PLCXD3: variants seen among roughly 807,000 people sequenced by gnomAD.
The protein encoded by PLCXD3 is PI-PLC X domain-containing protein 3.
Under a neutral mutation model 25.5 loss-of-function variants are expected in PLCXD3, and 19 were observed. That is an observed-to-expected ratio of 0.75 (90% CI 0.52 to 1.09). The LOEUF (loss-of-function observed/expected upper bound fraction) is 1.09. Among genes scored for constraint, PLCXD3 ranks in the 50% least tolerant of loss-of-function variants. The pLI is 0.00. For synonymous variants in PLCXD3, 174 were observed against 137.6 expected (o/e 1.26, Z -1.85); for missense variants, 411 against 388.1 (o/e 1.06, Z -0.50).
intron 1 of PLCXD3, among the ~76,000 whole-genome samples, chr5:41,436,777 C>A (rs960742514): frequency 6.6e-6 from 1 of 152,080 alleles, no homozygotes; most frequent in Admixed American, 6.6e-5. Context: ...AAGATATAAA[C>A]CTACTTCAGA....
intron 2 of PLCXD3, among the ~76,000 whole-genome samples, chr5:41,332,534 G>A (rs1561235149): frequency 6.6e-6 from 1 of 152,140 alleles, no homozygotes; most frequent in Admixed American, 6.5e-5. Flanking sequence ...AAGTCAGTGT[G>A]GTGATTCCTC....
chr5:41,492,447 C>A lies in PLCXD3; in HGVS notation c.103+17977G>T, dbSNP rs549502932. 2.0e-5 allele frequency among the ~76,000 whole-genome samples: 3 copies of A among 150,052 alleles called. No individual in the cohort carries two copies. In the South Asian group the frequency reaches 6.3e-4, roughly 32 times the overall value. On this transcript the variant is annotated intron_variant, in intron 1 of 2. Coordinates refer to ENST00000377801, the MANE Select transcript of PLCXD3 (RefSeq NM_001005473.3). ...CTCTTCTTGAGGAGTATCTTTGTGG[C>A]GTTCTCTGTATTTCCTGAATCTGAA...
At position 41,309,745 on chromosome 5, in the gene PLCXD3, C is replaced by T. The variant is rs527560889; in HGVS notation, c.*3872G>A. ...ATGTGTTTGTAATTTATATTCTAGT[C>T]CATTATGGATTCTCTAATTTGAAGT... On this transcript the variant is annotated 3_prime_UTR_variant, in exon 3 of 3. Transcript: ENST00000377801. 1.3e-5 allele frequency: 2 copies of T among 152,186 alleles called. No homozygotes were observed. Among genetic ancestry groups the T allele is most frequent in the Non-Finnish European group, 2.9e-5 (2 of 67,974 alleles). The allele number at this position is 152,186 out of a possible 1,614,324, so 9.4% of individuals were successfully genotyped here.
At chr5:41,450,318 G>A (rs1422972569) in intron 1 of PLCXD3, among the ~76,000 whole-genome samples, 1 of 152,096 alleles carries the variant, frequency 6.6e-6, no homozygotes, top group Non-Finnish European at 1.5e-5. Context: ...CCAGCCAGGT[G>A]ATAGTTATTT....
At chr5:41,439,881 T>C (rs956217477) in intron 1 of PLCXD3, among the ~76,000 whole-genome samples, 3 of 152,280 alleles carry the variant, frequency 2.0e-5, no homozygotes, top group Admixed American at 6.5e-5. Flanking sequence ...TATTCAACTG[T>C]CTCTTTTCAT....
chr5:41,386,602 T>C (rs533962233), intron 1 of PLCXD3, among the ~76,000 whole-genome samples: 3 of 152,208 alleles, frequency 2.0e-5, no homozygotes, highest in African/African-American at 7.2e-5. Context: ...CAGTTGGCTC[T>C]TAGTTAATTA....
chr5:41,496,873 T>C (rs1348613293), intron 1 of PLCXD3, among the ~76,000 whole-genome samples: 2 of 151,436 alleles, frequency 1.3e-5, no homozygotes, highest in Non-Finnish European at 3.0e-5. Flanking sequence ...TAAAAATAAC[T>C]TATAGCTAGA....
chr5:41,333,175 C>T (rs1016456432), intron 2 of PLCXD3, among the ~76,000 whole-genome samples: 6 of 151,882 alleles, frequency 4.0e-5, no homozygotes, highest in Non-Finnish European at 7.4e-5. Context: ...TGTGACTGCC[C>T]GTCCCAACCC....
At position 41,435,640 on chromosome 5, in the gene PLCXD3, G is replaced by A. The variant is rs1747230501; in HGVS notation, c.104-53106C>T. ...TAAGAATGGGGGTAGTGGAAAACAGGTGGAGAAGCCATGGTGGATTTGATA... is the reference window on the plus strand; with the variant it reads ...TAAGAATGGGGGTAGTGGAAAACAGATGGAGAAGCCATGGTGGATTTGATA... On this transcript the variant is annotated intron_variant, in intron 1 of 2. Transcript: ENST00000377801. Among the ~76,000 whole-genome samples the A allele has an allele frequency of 2.0e-5, 3 of 152,318 alleles. No individual in the cohort carries two copies. In the South Asian group the frequency reaches 6.2e-4, roughly 32 times the overall value.
At chr5:41,423,773 A>G (rs1013335318) in intron 1 of PLCXD3, among the ~76,000 whole-genome samples, 1 of 151,872 alleles carries the variant, frequency 6.6e-6, no homozygotes, top group Non-Finnish European at 1.5e-5. Flanking sequence ...TTTTGCTCTC[A>G]TCATTTTTTT....
At chr5:41,359,692 C>T (rs1744720459) in intron 2 of PLCXD3, among the ~76,000 whole-genome samples, 1 of 151,900 alleles carries the variant, frequency 6.6e-6, no homozygotes, top group Non-Finnish European at 1.5e-5. Context: ...TTTTATTTAT[C>T]TTTTGTATTT....
chr5:41,333,605 T>A (rs890743740), intron 2 of PLCXD3, among the ~76,000 whole-genome samples: 4 of 152,174 alleles, frequency 2.6e-5, no homozygotes, highest in African/African-American at 9.6e-5. Flanking sequence ...ATCTGATTTA[T>A]GTCTGATGAA....
At chr5:41,340,065 A>C (rs2150477374) in intron 2 of PLCXD3, among the ~76,000 whole-genome samples, 1 of 152,266 alleles carries the variant, frequency 6.6e-6, no homozygotes, top group South Asian at 2.1e-4. Flanking sequence ...GTTAACCTCT[A>C]AAGTTATATA....
intron 1 of PLCXD3, among the ~76,000 whole-genome samples, chr5:41,425,497 A>G (rs1746934274): frequency 6.6e-6 from 1 of 152,210 alleles, no homozygotes; most frequent in Non-Finnish European, 1.5e-5. Context: ...CCCAAAGTCC[A>G]TAGTTCACAT....
chr5:41,407,670 A>G (rs1278425046), intron 1 of PLCXD3, among the ~76,000 whole-genome samples: 2 of 152,238 alleles, frequency 1.3e-5, no homozygotes, highest in Non-Finnish European at 2.9e-5. Flanking sequence ...TGAACAGATC[A>G]TTGAAAACCA....
At chr5:41,334,491 C>T (rs1477458682) in intron 2 of PLCXD3, among the ~76,000 whole-genome samples, 2 of 152,112 alleles carry the variant, frequency 1.3e-5, no homozygotes, top group African/African-American at 2.4e-5. Context: ...CTCATCCTAA[C>T]GACACTGGAT....
intron 2 of PLCXD3, among the ~76,000 whole-genome samples, chr5:41,348,688 G>A (rs1480147513): frequency 3.3e-5 from 5 of 151,868 alleles, no homozygotes; most frequent in Admixed American, 6.6e-5. Context: ...CAAGACCATC[G>A]GGCCAGGTGT....
At chr5:41,465,688 C>T (rs1375428607) in intron 1 of PLCXD3, among the ~76,000 whole-genome samples, 2 of 151,886 alleles carry the variant, frequency 1.3e-5, no homozygotes, top group Admixed American at 1.3e-4. Flanking sequence ...AGATGATGCT[C>T]TAAGCAGGCA....
chr5:41,507,782 G>A (rs1181037761), intron 1 of PLCXD3, among the ~76,000 whole-genome samples: 2 of 152,216 alleles, frequency 1.3e-5, no homozygotes, highest in East Asian at 1.9e-4. Context: ...GGTTTTAAAT[G>A]ATGGAGATAA....
Sources: gnomAD v4.1 joint callset for allele counts (sites outside exome capture counted in the v4.1 genomes callset) on GRCh38, gnomAD v4.1.1 for gene constraint, MANE v1.5 for transcripts, NCBI Gene and HGNC (gene_info 2026-07-23, HGNC 2026-07-21) for gene names.